Variants in MITF observed in about 807,000 individuals in gnomAD.
The protein encoded by MITF is microphthalmia-associated transcription factor.
In MITF, 17 loss-of-function variants were observed where a neutral mutation model predicts 60.5. That is an observed-to-expected ratio of 0.28 (90% CI 0.19 to 0.42). The LOEUF is 0.42. MITF is among the 10% of genes least tolerant of loss of function. The pLI, the probability that MITF is intolerant of heterozygous loss-of-function variation, is 1.00. For synonymous variants in MITF, 260 were observed against 248.5 expected (o/e 1.05, Z -0.43); for missense variants, 622 against 683.5 (o/e 0.91, Z 1.00).
At chr3:69,875,478 TA>T (rs2064332573) in intron 1 of MITF, among the ~76,000 whole-genome samples, 1 of 152,230 alleles carries the variant, frequency 6.6e-6, no homozygotes. Context: ...ATTTGTTGAA[TA>T]AATGACCTTT....
At chr3:69,755,433 G>GTTTTTTTTTT (rs542141862) in intron 1 of MITF, among the ~76,000 whole-genome samples, 2 of 35,426 alleles carry the variant, frequency 5.6e-5, no homozygotes, top group African/African-American at 1.4e-4. Flanking sequence ...ACCCTTCTGG[G>GTTTTTTTTTT]TTTTTTTTTT....
chr3:69,904,919 C>T (rs1205255481), intron 2 of MITF, among the ~76,000 whole-genome samples: 1 of 152,104 alleles, frequency 6.6e-6, no homozygotes, highest in Non-Finnish European at 1.5e-5. Flanking sequence ...GTTAGCGCAA[C>T]CCATTCACAG....
At chr3:69,846,137 T>C (rs1575810056) in intron 1 of MITF, among the ~76,000 whole-genome samples, 3 of 11,120 alleles carry the variant, frequency 2.7e-4, no homozygotes, top group Admixed American at 1.1e-3. Context: ...GCCTAGGGCT[T>C]TTTTTTTTTT....
chr3:69,957,475 C>T (rs1394864499), intron 8 of MITF, among the ~76,000 whole-genome samples: 2 of 152,146 alleles, frequency 1.3e-5, no homozygotes, highest in Admixed American at 1.3e-4. Flanking sequence ...GATGAATGTA[C>T]AAGCACAATT....
At position 69,959,438 on chromosome 3, in the gene MITF, T is replaced by C. The variant is rs1559751648; in HGVS notation, c.1179+18T>C. The C allele has an allele frequency of 6.8e-6, 11 of 1,613,630 alleles. No individual in the cohort carries two copies. The highest frequency in any genetic ancestry group is 9.3e-6 in the Non-Finnish European group (11 of 1,179,774). On this transcript the variant is annotated intron_variant, in intron 9 of 9. Coordinates refer to ENST00000352241, the MANE Select transcript of MITF (RefSeq NM_001354604.2). ...GAATACAGGTACGCAGCCTGAGTTG[T>C]GTAAAGTTTACTGCTTTTTACCGAC...
intron 2 of MITF, among the ~76,000 whole-genome samples, chr3:69,936,103 A>T (rs2065827129): frequency 6.6e-6 from 1 of 152,150 alleles, no homozygotes; most frequent in African/African-American, 2.4e-5. Flanking sequence ...TGTAGCTAAG[A>T]ATAAGGTGCA....
chr3:69,916,393 G>A (rs1575954986), intron 2 of MITF, among the ~76,000 whole-genome samples: 1 of 152,248 alleles, frequency 6.6e-6, no homozygotes, highest in East Asian at 1.9e-4. Context: ...TCAGAACCCA[G>A]AAGGAAATCT....
chr3:69,830,926 C>A (rs1319264892), intron 1 of MITF, among the ~76,000 whole-genome samples: 1 of 151,960 alleles, frequency 6.6e-6, no homozygotes, highest in Admixed American at 6.6e-5. Context: ...TCATCTTTTT[C>A]TTATTGATTT....
intron 2 of MITF, among the ~76,000 whole-genome samples, chr3:69,937,474 G>T (rs2107477393): frequency 6.6e-6 from 1 of 151,406 alleles, no homozygotes; most frequent in South Asian, 2.1e-4. Flanking sequence ...CTACATTGTT[G>T]TTTGATCTTA....
intron 2 of MITF, among the ~76,000 whole-genome samples, chr3:69,922,406 A>T (rs2065488558): frequency 6.6e-6 from 1 of 151,646 alleles, no homozygotes; most frequent in Non-Finnish European, 1.5e-5. Context: ...ATTTTTAGTA[A>T]AGTTAGGGTT....
intron 2 of MITF, among the ~76,000 whole-genome samples, chr3:69,901,652 C>T (rs1036676676): frequency 1.3e-5 from 2 of 152,170 alleles, no homozygotes; most frequent in African/African-American, 4.8e-5. Context: ...TCCTCCCCTC[C>T]GAGTCTCTCC....
At chr3:69,905,104 T>G (rs538993220) in intron 2 of MITF, among the ~76,000 whole-genome samples, 36 of 152,270 alleles carry the variant, frequency 2.4e-4, no homozygotes, top group African/African-American at 8.4e-4. Context: ...TACCTCTTTG[T>G]AACCCCTTCT....
intron 1 of MITF, among the ~76,000 whole-genome samples, chr3:69,795,380 A>G (rs1414933860): frequency 6.6e-6 from 1 of 152,220 alleles, no homozygotes; most frequent in African/African-American, 2.4e-5. Context: ...AACTCTTGAT[A>G]TAAATATTGC....
At position 69,918,724 on chromosome 3, in the gene MITF, G is replaced by A. The variant is rs776565855; in HGVS notation, c.355-19098G>A. Among the ~76,000 whole-genome samples the A allele has an allele frequency of 1.0e-3, 155 of 152,272 alleles. 1 individual carries two copies. Among genetic ancestry groups the A allele is most frequent in the Non-Finnish European group, 1.4e-3 (95 of 68,020 alleles). On this transcript the variant is annotated intron_variant, in intron 2 of 9. Transcript: ENST00000352241. ...CACTTACATTCATTGTGAGCATCAA[G>A]AAATATTAATGTATGAAAAGGCTTG...
intron 2 of MITF, among the ~76,000 whole-genome samples, chr3:69,918,861 C>T (rs2065397785): frequency 6.6e-6 from 1 of 152,086 alleles, no homozygotes; most frequent in Non-Finnish European, 1.5e-5. Flanking sequence ...CTCATACTCT[C>T]CAATAACTAT....
At chr3:69,791,354 C>CGTG (rs772016771) in intron 1 of MITF, among the ~76,000 whole-genome samples, 33 of 152,052 alleles carry the variant, frequency 2.2e-4, no homozygotes, top group Admixed American at 9.2e-4. Flanking sequence ...TTCTTAACAG[C>CGTG]GTGGTGGTGG....
chr3:69,865,014 T>TA (rs1309932034), intron 1 of MITF, among the ~76,000 whole-genome samples: 1 of 152,158 alleles, frequency 6.6e-6, no homozygotes, highest in Admixed American at 6.5e-5. Context: ...TGTTTCCCAT[T>TA]AGACTGTAAA....
intron 1 of MITF, among the ~76,000 whole-genome samples, chr3:69,842,029 A>G (rs2063646486): frequency 6.6e-6 from 1 of 152,224 alleles, no homozygotes; most frequent in Non-Finnish European, 1.5e-5. Context: ...TCTCCCGTTG[A>G]TGAATTAATA....
At chr3:69,950,448 T>TTTTA (rs1491218215) in intron 6 of MITF, among the ~76,000 whole-genome samples, 27 of 130,786 alleles carry the variant, frequency 2.1e-4, no homozygotes, top group African/African-American at 7.2e-4. Context: ...AACTTCTGAG[T>TTTTA]TATATATATA....
Sources: gnomAD v4.1 joint callset for allele counts (sites outside exome capture counted in the v4.1 genomes callset) on GRCh38, gnomAD v4.1.1 for gene constraint, MANE v1.5 for transcripts, NCBI Gene and HGNC (gene_info 2026-07-23, HGNC 2026-07-21) for gene names.